PEPD: variants seen among roughly 807,000 people sequenced by gnomAD.
The protein encoded by PEPD is xaa-Pro dipeptidase.
A neutral mutation model predicts 60.7 loss-of-function variants in PEPD; 53 were observed. That is an observed-to-expected ratio of 0.87 (90% CI 0.70 to 1.10). The LOEUF is 1.10. Ranked by LOEUF, PEPD falls within the 50% of genes least tolerant of loss-of-function variation. The pLI, the probability that PEPD is intolerant of heterozygous loss-of-function variation, is 0.00. For synonymous variants in PEPD, 267 were observed against 284.1 expected (o/e 0.94, Z 0.60); for missense variants, 711 against 711.9 (o/e 1.00, Z 0.01).
intron 5 of PEPD, among the ~76,000 whole-genome samples, chr19:33,491,659 C>T (rs1464223031): frequency 1.3e-5 from 2 of 152,046 alleles, no homozygotes; most frequent in African/African-American, 4.8e-5. Context: ...GAACGGGACC[C>T]CACATTCTGT....
chr19:33,399,531 G>A (rs989939570), intron 12 of PEPD, among the ~76,000 whole-genome samples: 1 of 152,036 alleles, frequency 6.6e-6, no homozygotes, highest in African/African-American at 2.4e-5. Context: ...GTCCCTCCGC[G>A]GCTCCTCAGC....
chr19:33,466,310 T>C (rs969395973), intron 7 of PEPD, among the ~76,000 whole-genome samples: 23 of 152,318 alleles, frequency 1.5e-4, no homozygotes, highest in African/African-American at 5.1e-4. Flanking sequence ...GGTACCAAAG[T>C]AACACCAGGT....
chr19:33,471,235 G>A (rs1253511414), intron 7 of PEPD, among the ~76,000 whole-genome samples: 5 of 152,146 alleles, frequency 3.3e-5, no homozygotes, highest in South Asian at 2.1e-4. Flanking sequence ...TTAAATAGAC[G>A]TCTGCTGTGT....
chr19:33,441,316 C>T (rs1969475710), intron 9 of PEPD, among the ~76,000 whole-genome samples: 2 of 152,224 alleles, frequency 1.3e-5, no homozygotes, highest in Admixed American at 1.3e-4. Flanking sequence ...CCACATGCAC[C>T]TCATTACAAC....
intron 12 of PEPD, among the ~76,000 whole-genome samples, chr19:33,393,648 A>AT (rs1309373700): frequency 6.6e-6 from 1 of 152,196 alleles, no homozygotes; most frequent in Non-Finnish European, 1.5e-5. Context: ...GGACAGTGGC[A>AT]TTGGCCACCA....
chr19:33,469,748 C>T (rs573186547), intron 7 of PEPD, among the ~76,000 whole-genome samples: 32 of 152,198 alleles, frequency 2.1e-4, no homozygotes, highest in African/African-American at 6.7e-4. Flanking sequence ...GTCAAGCCTC[C>T]CCTACGCTGC....
Position 33,464,895 on chromosome 19 carries a change from T to TA in PEPD, c.549-834dup, listed in dbSNP as rs1241488065. Among the ~76,000 whole-genome samples, 5 of 151,902 alleles carry TA rather than the reference T, an allele frequency of 3.3e-5. No individual in the cohort carries two copies. In the South Asian group the frequency reaches 6.3e-4, roughly 19 times the overall value. On this transcript the variant is annotated intron_variant, in intron 7 of 14. Coordinates refer to ENST00000244137, the MANE Select transcript of PEPD (RefSeq NM_000285.4). ...TATTCGTTTTCTACCTCCACCCATTTAAAAAAACCCTGGGTCCGCGGGCAC... is the reference window on the plus strand; with the variant it reads ...TATTCGTTTTCTACCTCCACCCATTTAAAAAAAACCCTGGGTCCGCGGGCAC...
chr19:33,401,487 G>A lies in PEPD; in HGVS notation c.967+234C>T, dbSNP rs528201562. ...CAGGTGGAGGCCAGCAGACCGGGGA[G>A]CCTTGGCCTGAGCCCCGCAATTCCT... On this transcript the variant is annotated intron_variant, in intron 12 of 14. Coordinates refer to ENST00000244137, the MANE Select transcript of PEPD (RefSeq NM_000285.4). 2.0e-5 allele frequency among the ~76,000 whole-genome samples: 3 copies of A among 152,326 alleles called. No homozygotes were observed. The South Asian group carries it at 6.2e-4, about 32-fold the overall frequency.
At chr19:33,387,788 G>A (rs1375858668) in intron 14 of PEPD, 102 bp downstream of exon 14, 3 of 1,023,924 alleles carry the variant, frequency 2.9e-6, no homozygotes, top group Non-Finnish European at 4.5e-6. Context: ...CCACCTCAAG[G>A]GAAGATGTCA....
At chr19:33,495,537 T>C (rs182419159) in intron 4 of PEPD, among the ~76,000 whole-genome samples, 1 of 152,100 alleles carries the variant, frequency 6.6e-6, no homozygotes, top group Non-Finnish European at 1.5e-5. Flanking sequence ...TTTAAAACTG[T>C]TGGGTCAAAA....
At chr19:33,431,992 CAAAAAAA>C (rs906879187) in intron 9 of PEPD, among the ~76,000 whole-genome samples, 1 of 77,884 alleles carries the variant, frequency 1.3e-5, no homozygotes, top group African/African-American at 4.7e-5. Flanking sequence ...GACACCACCT[CAAAAAAA>C]AAAAAAAAAA....
At chr19:33,493,555 A>C in intron 4 of PEPD, 2 of 629,048 alleles carry the variant, frequency 3.2e-6, no homozygotes, top group Non-Finnish European at 5.8e-6. Flanking sequence ...AGAGAGGATA[A>C]ACCTACACCT....
chr19:33,471,146 G>C (rs905787049), intron 7 of PEPD, among the ~76,000 whole-genome samples: 2 of 152,186 alleles, frequency 1.3e-5, no homozygotes. Flanking sequence ...AACTGAACCA[G>C]GGCAAATTAT....
intron 3 of PEPD, among the ~76,000 whole-genome samples, chr19:33,501,608 C>T (rs549944110): frequency 2.0e-5 from 3 of 152,126 alleles, no homozygotes; most frequent in Non-Finnish European, 2.9e-5. Context: ...ACCCAGGAGG[C>T]GGAGGTTGCA....
At position 33,445,850 on chromosome 19, in the gene PEPD, T is replaced by A. The variant is rs186103116; in HGVS notation, c.671+17145A>T. On this transcript the variant is annotated intron_variant, in intron 9 of 14. Transcript: ENST00000244137. ...CTCAAAGCCAGGACCTCAGAGGACA[T>A]CAGACAGGTGTGATGAGTCCCTTCC... Among the ~76,000 whole-genome samples, 34 of 152,188 alleles carry A rather than the reference T, an allele frequency of 2.2e-4. No homozygotes were observed. The East Asian group carries it at 6.6e-3, about 30-fold the overall frequency.
chr19:33,440,565 G>C (rs926237342), intron 9 of PEPD, among the ~76,000 whole-genome samples: 1 of 151,988 alleles, frequency 6.6e-6, no homozygotes, highest in Admixed American at 6.6e-5. Context: ...GGCTGTTTCT[G>C]TTCCCTGACA....
intron 9 of PEPD, among the ~76,000 whole-genome samples, chr19:33,425,455 G>A (rs1969124726): frequency 6.6e-6 from 1 of 152,298 alleles, no homozygotes; most frequent in African/African-American, 2.4e-5. Flanking sequence ...AGGTATGCAG[G>A]GAGCTTTCTG....
intron 13 of PEPD, among the ~76,000 whole-genome samples, chr19:33,390,547 C>T (rs542834302): frequency 1.3e-5 from 2 of 152,332 alleles, no homozygotes; most frequent in South Asian, 4.1e-4. Flanking sequence ...CCAGGGCGTG[C>T]ACGATTGCAC....
At position 33,511,074 on chromosome 19, in the gene PEPD, G is replaced by A. The variant is rs202186183; in HGVS notation, c.283C>T (p.Leu95=). ...CTGGCAGGAAGCCTGGGCACAAACAGGGTCGACTTCCCAGTGTCAACATCG... is the reference window on the plus strand; with the variant it reads ...CTGGCAGGAAGCCTGGGCACAAACAAGGTCGACTTCCCAGTGTCAACATCG... ...VIDVDTGKST[L]FVPRLPASHA... is the part of the protein sequence containing the mutation. Residue 95 remains leucine, a synonymous_variant, in exon 3 of 15, where the codon CTG becomes TTG. Coordinates refer to ENST00000244137, the MANE Select transcript of PEPD (RefSeq NM_000285.4). 3 of 1,614,008 alleles carry A rather than the reference G, an allele frequency of 1.9e-6. No homozygotes were observed. The highest frequency in any genetic ancestry group is 2.2e-5 in the South Asian group (2 of 91,056).
Sources: gnomAD v4.1 joint callset for allele counts (sites outside exome capture counted in the v4.1 genomes callset) on GRCh38, gnomAD v4.1.1 for gene constraint, MANE v1.5 for transcripts, NCBI Gene and HGNC (gene_info 2026-07-23, HGNC 2026-07-21) for gene names.